Variants in GBE1 observed in about 807,000 individuals in gnomAD.
GBE1 encodes 1,4-alpha-glucan-branching enzyme.
A neutral mutation model predicts 88.8 loss-of-function variants in GBE1; 70 were observed. The observed-to-expected ratio is 0.79, with a 90% confidence interval of 0.65 to 0.96. The LOEUF is 0.96. GBE1 is among the 40% of genes least tolerant of loss of function. The pLI is 0.00. For missense variants in GBE1, 872 were observed against 871.0 expected (o/e 1.00, Z -0.01); for synonymous variants, 284 against 300.1 (o/e 0.95, Z 0.56).
chr3:81,638,696 G>C lies in GBE1; in HGVS notation c.992+4085C>G, dbSNP rs78777443. On this transcript the variant is annotated intron_variant, in intron 7 of 15. Coordinates refer to ENST00000429644, the MANE Select transcript of GBE1 (RefSeq NM_000158.4). The stretch of plus-strand genomic sequence containing the variant: ...TGAGTAGACAGAAAATTAAACATGG[G>C]CAGCTCCTGATTGGAAATTTATTCA... Among the ~76,000 whole-genome samples, 15 of 152,200 alleles carry C rather than the reference G, an allele frequency of 9.9e-5. No individual in the cohort carries two copies. In the East Asian group the frequency reaches 2.7e-3, roughly 27 times the overall value.
chr3:81,582,378 T>C (rs1703743893), intron 10 of GBE1, among the ~76,000 whole-genome samples: 1 of 152,224 alleles, frequency 6.6e-6, no homozygotes, highest in South Asian at 2.1e-4. Flanking sequence ...TATAGGCAGC[T>C]TTTAGAAGTG....
chr3:81,610,268 T>C (rs1704161657), intron 7 of GBE1, among the ~76,000 whole-genome samples: 1 of 152,214 alleles, frequency 6.6e-6, no homozygotes, highest in Non-Finnish European at 1.5e-5. Context: ...ATACAGCATG[T>C]TAATCAGTGA....
chr3:81,661,520 C>G (rs1217701062), intron 3 of GBE1, among the ~76,000 whole-genome samples: 1 of 152,178 alleles, frequency 6.6e-6, no homozygotes, highest in Non-Finnish European at 1.5e-5. Context: ...GCCTGGAATA[C>G]AAACATTTTC....
At chr3:81,547,214 A>C (rs1703217367) in intron 12 of GBE1, among the ~76,000 whole-genome samples, 1 of 151,414 alleles carries the variant, frequency 6.6e-6, no homozygotes, top group Non-Finnish European at 1.5e-5. Flanking sequence ...CCTCTCAGAA[A>C]AAGGCAAGGA....
intron 14 of GBE1, among the ~76,000 whole-genome samples, chr3:81,525,278 A>C (rs1451102460): frequency 1.3e-5 from 2 of 151,998 alleles, no homozygotes; most frequent in Non-Finnish European, 2.9e-5. Context: ...TTCTTCATCT[A>C]TTGAGATAAT....
chr3:81,759,493 G>C (rs1334042770), intron 1 of GBE1, among the ~76,000 whole-genome samples: 1 of 152,232 alleles, frequency 6.6e-6, no homozygotes, highest in Non-Finnish European at 1.5e-5. Context: ...AGACCAGATT[G>C]TATGAAGGAA....
intron 8 of GBE1, among the ~76,000 whole-genome samples, chr3:81,592,150 C>T (rs145507344): frequency 2.0e-5 from 3 of 152,034 alleles, no homozygotes; most frequent in African/African-American, 4.8e-5. Flanking sequence ...TGTGTGTGTG[C>T]GCGCGTGTGT....
chr3:81,567,454 C>T (rs1703509048), intron 12 of GBE1, among the ~76,000 whole-genome samples: 1 of 152,106 alleles, frequency 6.6e-6, no homozygotes, highest in Non-Finnish European at 1.5e-5. Flanking sequence ...TTTTATTTAT[C>T]CAGTTCTCTG....
chr3:81,752,716 G>A (rs1411905833), intron 1 of GBE1, among the ~76,000 whole-genome samples: 1 of 151,906 alleles, frequency 6.6e-6, no homozygotes, highest in Non-Finnish European at 1.5e-5. Flanking sequence ...ATTACCACCT[G>A]CCTCACCTCA....
At chr3:81,679,257 GGGCATAA>G (rs1359849404) in intron 2 of GBE1, among the ~76,000 whole-genome samples, 1 of 152,142 alleles carries the variant, frequency 6.6e-6, no homozygotes, top group Non-Finnish European at 1.5e-5. Flanking sequence ...ATAAAGCACA[GGGCATAA>G]GGTTTAATAC....
intron 2 of GBE1, among the ~76,000 whole-genome samples, chr3:81,673,936 CA>C (rs913030628): frequency 6.6e-6 from 1 of 151,642 alleles, no homozygotes; most frequent in Non-Finnish European, 1.5e-5. Flanking sequence ...TACCCCCACC[CA>C]AAAAAATCCA....
chr3:81,566,732 C>T (rs1238719277), intron 12 of GBE1, among the ~76,000 whole-genome samples: 1 of 152,128 alleles, frequency 6.6e-6, no homozygotes, highest in Non-Finnish European at 1.5e-5. Flanking sequence ...ATTTTTTCAT[C>T]TTCACAAAAC....
rs749763382 is a variant in GBE1, at chr3:81,537,113, T to C, written c.1619-18A>G. On this transcript the variant is annotated intron_variant, in intron 12 of 15. Coordinates refer to ENST00000429644, the MANE Select transcript of GBE1 (RefSeq NM_000158.4). ...TTCATTACCTGCATTACAAAACACA[T>C]GCAAATATCAGCCTATTAATATTAG... 5.7e-6 allele frequency: 8 copies of C among 1,409,484 alleles called. No homozygotes were observed. The highest frequency in any genetic ancestry group is 2.7e-5 in the East Asian group (1 of 37,042). 87.3% of individuals were successfully genotyped at this position (1,409,484 alleles called of 1,614,324 possible).
intron 14 of GBE1, among the ~76,000 whole-genome samples, chr3:81,517,662 AATAAT>A (rs1702814666): frequency 6.6e-6 from 1 of 151,526 alleles, no homozygotes; most frequent in East Asian, 1.9e-4. Context: ...ATCATAGTAT[AATAAT>A]ATATTAATTG....
chr3:81,550,185 C>T (rs184676866), intron 12 of GBE1, among the ~76,000 whole-genome samples: 5 of 151,576 alleles, frequency 3.3e-5, no homozygotes, highest in Admixed American at 2.0e-4. Context: ...TGGAATACAT[C>T]GCTGTTTTAC....
At chr3:81,500,051 C>T (rs963461046) in intron 14 of GBE1, among the ~76,000 whole-genome samples, 2 of 152,094 alleles carry the variant, frequency 1.3e-5, no homozygotes, top group African/African-American at 4.8e-5. Context: ...ATCATTACTG[C>T]AAACATTATC....
In GBE1 at chr3:81,547,474, G is replaced by A. The variant is rs149801263; in HGVS notation, c.1619-10379C>T. On this transcript the variant is annotated intron_variant, in intron 12 of 15. Transcript: ENST00000429644. ...TTTTCCTCCCTCAAAGGGGAAATTC[G>A]ATAATTTTCCTCTTTGTTGCAGCTT... 1.7e-4 allele frequency among the ~76,000 whole-genome samples: 26 copies of A among 151,596 alleles called. No individual in the cohort carries two copies. In the East Asian group the frequency reaches 3.9e-3, roughly 22 times the overall value.
chr3:81,612,702 T>C (rs1704199066), intron 7 of GBE1: 1 of 510,264 alleles, frequency 2.0e-6, no homozygotes, highest in South Asian at 1.5e-5. Flanking sequence ...TTCATCACTG[T>C]GTTCAATTGC....
intron 1 of GBE1, among the ~76,000 whole-genome samples, chr3:81,759,995 C>T (rs995891627): frequency 1.3e-5 from 2 of 152,118 alleles, no homozygotes; most frequent in South Asian, 2.1e-4. Flanking sequence ...CCTTTAATCA[C>T]TATCTTTTGT....
Sources: allele counts gnomAD v4.1 joint callset (sites outside exome capture counted in the v4.1 genomes callset), GRCh38; gene constraint gnomAD v4.1.1; transcripts MANE v1.5; gene names NCBI Gene and HGNC (gene_info 2026-07-23, HGNC 2026-07-21).